SMARCC1: variants seen among roughly 807,000 people sequenced by gnomAD.
SMARCC1 encodes the protein SWI/SNF related BAF chromatin remodeling complex subunit C1.
SMARCC1 carries 43 observed loss-of-function variants against 147.4 expected under a neutral mutation model. The observed-to-expected ratio is 0.29, with a 90% CI of 0.23 to 0.38. The LOEUF (loss-of-function observed/expected upper bound fraction) is 0.38, where lower values mean the gene tolerates loss of function less well. SMARCC1 is among the 10% of genes least tolerant of loss of function. The pLI is 1.00. For synonymous variants in SMARCC1, 495 were observed against 484.4 expected (o/e 1.02, Z -0.29); for missense variants, 1,119 against 1,381.1 (o/e 0.81, Z 3.01).
At chr3:47,613,789 C>T (rs933179786) in intron 25 of SMARCC1, among the ~76,000 whole-genome samples, 10 of 152,300 alleles carry the variant, frequency 6.6e-5, no homozygotes, top group Non-Finnish European at 1.5e-5. Context: ...CCTGAGCCCC[C>T]ACTTCCCCTG....
intron 3 of SMARCC1, among the ~76,000 whole-genome samples, chr3:47,745,310 T>G (rs147065094): frequency 2.6e-5 from 4 of 152,314 alleles, no homozygotes; most frequent in African/African-American, 9.6e-5. Context: ...AAATATAATG[T>G]ATGAGTTCAT....
intron 13 of SMARCC1, 127 bp downstream of exon 13, chr3:47,689,260 A>G (rs1300337679): frequency 1.4e-6 from 1 of 705,000 alleles, no homozygotes; most frequent in East Asian, 2.7e-5. Context: ...AAAAACAAAA[A>G]AAAATTCAAA....
intron 7 of SMARCC1, among the ~76,000 whole-genome samples, chr3:47,720,058 C>T (rs540038044): frequency 1.8e-4 from 27 of 150,932 alleles, no homozygotes; most frequent in African/African-American, 6.6e-4. Context: ...TTAAAAGAAA[C>T]AAATATAAAT....
intron 3 of SMARCC1, among the ~76,000 whole-genome samples, chr3:47,741,818 G>C (rs1450677328): frequency 4.0e-5 from 6 of 151,836 alleles, no homozygotes; most frequent in African/African-American, 1.5e-4. Flanking sequence ...CTGGACTTAA[G>C]TGATTCTTCT....
chr3:47,742,658 C>A (rs1214225919), intron 3 of SMARCC1, among the ~76,000 whole-genome samples: 1 of 152,180 alleles, frequency 6.6e-6, no homozygotes, highest in African/African-American at 2.4e-5. Context: ...TCTTGGTTCA[C>A]TGCAGCCTCT....
At chr3:47,689,532 A>C in intron 12 of SMARCC1, 108 bp from the exon 13 acceptor site, 1 of 916,962 alleles carries the variant, frequency 1.1e-6, no homozygotes, top group African/African-American at 1.6e-5. Context: ...AAAGGAATGA[A>C]ATAGTGCATT....
rs1425955603 is a variant in SMARCC1, at chr3:47,781,750, G to A, written c.48C>T (p.Ala16=). Residue 16 remains alanine (A), a synonymous_variant, in exon 1 of 28, where the codon GCC becomes GCT. Transcript: ENST00000254480. ...CTGCCGCCGCAATCCCCGAGCCCGT[G>A]GCGCCTACCGCTGTCCCCGGCCCGC... The part of the protein sequence containing the change: ...GGGGPGTAVG[A]TGSGIAAAAA... 4 of 1,531,710 alleles carry A rather than the reference G, an allele frequency of 2.6e-6. No homozygotes were observed. Among genetic ancestry groups the A allele is most frequent in the East Asian group, 2.8e-5 (1 of 36,030 alleles). The allele number at this position is 1,531,710 out of a possible 1,614,324, so 94.9% of individuals were successfully genotyped here.
At position 47,635,205 on chromosome 3, in the gene SMARCC1, C is replaced by T. The variant is rs199501292; in HGVS notation, c.2631G>A (p.Ala877=). Residue 877 remains alanine, a synonymous_variant, in exon 24 of 28, where the codon GCG becomes GCA. Coordinates refer to ENST00000254480, the MANE Select transcript of SMARCC1 (RefSeq NM_003074.4). The part of the protein sequence containing the change: ...ATAAAAALAS[A]ATKAKHLAAV... ...AGGGGCAAACCTTGGCTTTGGTAGC[C>T]GCTGAGGCAAGAGCAGCTGCTGCGG... 21 of 1,613,686 alleles carry T rather than the reference C, an allele frequency of 1.3e-5. No individual in the cohort carries two copies. In the African/African-American group the frequency reaches 1.5e-4, roughly 11 times the overall value.
chr3:47,653,864 G>A (rs2033224868), intron 21 of SMARCC1, among the ~76,000 whole-genome samples: 1 of 152,172 alleles, frequency 6.6e-6, no homozygotes, highest in African/African-American at 2.4e-5. Context: ...TACCGTGAAT[G>A]AATTTTACTG....
chr3:47,714,451 T>C lies in SMARCC1; in HGVS notation c.756A>G (p.Glu252=). 1 of 1,596,580 alleles carries C rather than the reference T, an allele frequency of 6.3e-7. No individual in the cohort carries two copies. Among genetic ancestry groups the C allele is most frequent in the Non-Finnish European group, 8.6e-7 (1 of 1,165,622 alleles). The change falls in exon 8 of 28, where the codon GAA becomes GAG. Residue 252 remains glutamate (E), a synonymous_variant. Coordinates refer to ENST00000254480, the MANE Select transcript of SMARCC1 (RefSeq NM_003074.4). ...TWVHSNDVDA[E]IEDPPIPEKP... is the part of the protein sequence containing the mutation. ...TTTCTGGAATTGGTGGATCTTCAATTTCAGCATCAACATCATTACTATGGA... is the reference window on the plus strand; with the variant it reads ...TTTCTGGAATTGGTGGATCTTCAATCTCAGCATCAACATCATTACTATGGA...
chr3:47,660,444 TAAA>T (rs71070206), intron 21 of SMARCC1, among the ~76,000 whole-genome samples: 22,703 of 65,088 alleles, frequency 0.35, 2,054 homozygotes, highest in South Asian at 0.42. Flanking sequence ...AGACTCTGTC[TAAA>T]AAAAAAAAAA....
At chr3:47,636,786 A>ATGTGTGTG (rs771728075) in intron 22 of SMARCC1, among the ~76,000 whole-genome samples, 40 of 141,024 alleles carry the variant, frequency 2.8e-4, no homozygotes, top group East Asian at 4.2e-4. Flanking sequence ...CAAAATATAT[A>ATGTGTGTG]TATGTGTGTG....
At chr3:47,769,049 A>G (rs1424359299) in intron 2 of SMARCC1, among the ~76,000 whole-genome samples, 1 of 151,400 alleles carries the variant, frequency 6.6e-6, no homozygotes, top group Admixed American at 6.6e-5. Context: ...TGTCTCTACT[A>G]AAAATACAAA....
At chr3:47,643,456 G>C (rs1490219571) in intron 21 of SMARCC1, among the ~76,000 whole-genome samples, 1 of 151,072 alleles carries the variant, frequency 6.6e-6, no homozygotes, top group Non-Finnish European at 1.5e-5. Context: ...TTACAGCAGT[G>C]AAAATAAATG....
chr3:47,605,596 C>A lies in SMARCC1; in HGVS notation c.3043+4470G>T, dbSNP rs530677732. Among the ~76,000 whole-genome samples the A allele has an allele frequency of 9.2e-5, 14 of 152,134 alleles. No homozygotes were observed. The South Asian group carries it at 2.5e-3, about 27-fold the overall frequency. ...AGACCAGCCTGGGCAATATAGTGAG[C>A]CCATGTCTCTACAAAAAAATTTAAA... On this transcript the variant is annotated intron_variant, in intron 26 of 27. Coordinates refer to ENST00000254480, the MANE Select transcript of SMARCC1 (RefSeq NM_003074.4).
intron 26 of SMARCC1, among the ~76,000 whole-genome samples, chr3:47,608,182 G>A (rs768908486): frequency 3.3e-5 from 5 of 152,156 alleles, no homozygotes; most frequent in Non-Finnish European, 7.4e-5. Context: ...CCGCCTCCTA[G>A]GTTCAAGCAA....
Position 47,781,438 on chromosome 3 carries a change from CGCGGGCGCCCAGA to C in SMARCC1, c.195+152_195+164del, listed in dbSNP as rs1230978066. 1.2e-4 allele frequency among the ~76,000 whole-genome samples: 19 copies of C among 152,304 alleles called. 1 individual carries two copies. The East Asian group carries it at 3.5e-3, about 28-fold the overall frequency. On this transcript the variant is annotated intron_variant, in intron 1 of 27. Transcript: ENST00000254480. ...CCGAACCCCAGTCAGGCCCCGGGAT[CGCGGGCGCCCAGA>C]GCGGGCGGCGGGGGCGTGGCGGGCC...
chr3:47,621,891 C>T (rs955878928), intron 25 of SMARCC1, among the ~76,000 whole-genome samples: 1 of 150,320 alleles, frequency 6.7e-6, no homozygotes, highest in African/African-American at 2.5e-5. Flanking sequence ...TTATTGGTAA[C>T]AAGTAGGTAA....
At chr3:47,640,095 C>T (rs902378258) in intron 21 of SMARCC1, among the ~76,000 whole-genome samples, 1 of 151,958 alleles carries the variant, frequency 6.6e-6, no homozygotes, top group African/African-American at 2.4e-5. Flanking sequence ...TGCATGGAAA[C>T]TTAATTGTGG....
Sources: allele counts gnomAD v4.1 joint callset (sites outside exome capture counted in the v4.1 genomes callset), GRCh38; gene constraint gnomAD v4.1.1; transcripts MANE v1.5; gene names NCBI Gene and HGNC (gene_info 2026-07-23, HGNC 2026-07-21).